Variants in SCYL2 observed in about 807,000 individuals in gnomAD.
SCYL2 encodes the protein SCY1 like pseudokinase 2.
A neutral mutation model predicts 100.4 loss-of-function variants in SCYL2; 36 were observed. That is an observed-to-expected ratio of 0.36 (90% confidence interval 0.27 to 0.47). SCYL2 has a LOEUF of 0.47. Among genes scored for constraint, SCYL2 ranks in the 20% least tolerant of loss-of-function variants. SCYL2 has a pLI of 1.00. For synonymous variants in SCYL2, 330 were observed against 359.2 expected (o/e 0.92, Z 0.92); for missense variants, 902 against 1,083.9 (o/e 0.83, Z 2.36).
In SCYL2 at chr12:100,312,476, G is replaced by A; in HGVS notation, c.675G>A (p.Leu225=). The change falls in exon 6 of 18, where the codon TTG becomes TTA. Residue 225 remains leucine (L), a synonymous_variant. Transcript: ENST00000360820. ...AATGGGACCCAAATTTACCTTCATT[G>A]TGTCTTCCAAATCCTGAATATTTGG... The part of the protein sequence containing the change: ...CKEWDPNLPS[L]CLPNPEYLAP... 1 of 1,613,342 alleles carries A rather than the reference G, an allele frequency of 6.2e-7. No homozygotes were observed. Among genetic ancestry groups the A allele is most frequent in the Non-Finnish European group, 8.5e-7 (1 of 1,179,896 alleles).
At chr12:100,296,794 A>G (rs1007210957) in intron 3 of SCYL2, 10 of 152,110 alleles carry the variant, frequency 6.6e-5, no homozygotes, top group East Asian at 3.9e-4. Flanking sequence ...TTATGGTCCA[A>G]TGTGTTAATG....
chr12:100,299,029 A>G (rs2096324331), intron 4 of SCYL2, among the ~76,000 whole-genome samples: 1 of 152,124 alleles, frequency 6.6e-6, no homozygotes, highest in Non-Finnish European at 1.5e-5. Context: ...CAGGAGTTTG[A>G]GACAACCCTG....
rs1048811138 is a variant in SCYL2, at chr12:100,303,492, T to C, written c.480+5317T>C. ...CTGTTGATTCTTTTCTGTTTGTTAA[T>C]TTTCCTTCTAACAGTCAGGCCCCTC... is the stretch of plus-strand genomic sequence containing the variant. On this transcript the variant is annotated intron_variant, in intron 4 of 17. Transcript: ENST00000360820. Among the ~76,000 whole-genome samples, 7 of 152,346 alleles carry C rather than the reference T, an allele frequency of 4.6e-5. 1 individual carries two copies. Among genetic ancestry groups the C allele is most frequent in the African/African-American group, 1.7e-4 (7 of 41,586 alleles).
At chr12:100,299,011 C>G (rs1333396508) in intron 4 of SCYL2, among the ~76,000 whole-genome samples, 2 of 152,178 alleles carry the variant, frequency 1.3e-5, no homozygotes, top group African/African-American at 2.4e-5. Flanking sequence ...GGGAGGATCA[C>G]TTGAGCTCAG....
chr12:100,294,411 G>C (rs1473300124), intron 3 of SCYL2, among the ~76,000 whole-genome samples: 4 of 121,396 alleles, frequency 3.3e-5, no homozygotes, highest in African/African-American at 6.2e-5. Flanking sequence ...TCCCGGACGG[G>C]GCGGCTGGCC....
intron 4 of SCYL2, among the ~76,000 whole-genome samples, chr12:100,307,649 C>G (rs1253967827): frequency 2.0e-5 from 3 of 152,102 alleles, no homozygotes; most frequent in Admixed American, 6.5e-5. Context: ...GAAGTGGGAT[C>G]TAATTAAACT....
intron 4 of SCYL2, 63 bp from the exon 5 acceptor site, chr12:100,310,981 A>G (rs990332101): frequency 1.5e-5 from 20 of 1,363,496 alleles, no homozygotes; most frequent in Non-Finnish European, 1.8e-5. Flanking sequence ...TATTTTTGTG[A>G]GACATTTTAT....
intron 4 of SCYL2, among the ~76,000 whole-genome samples, chr12:100,308,418 A>G (rs930904299): frequency 1.3e-5 from 2 of 152,274 alleles, no homozygotes; most frequent in African/African-American, 4.8e-5. Flanking sequence ...GTTCTCACTT[A>G]TAAGTGGGAG....
intron 8 of SCYL2, among the ~76,000 whole-genome samples, chr12:100,315,132 G>A (rs1464206593): frequency 6.6e-6 from 1 of 152,178 alleles, no homozygotes. Flanking sequence ...TAGATGCTAT[G>A]GAGAGTAAAG....
chr12:100,294,354 C>T (rs2096314789), intron 3 of SCYL2, among the ~76,000 whole-genome samples: 1 of 114,154 alleles, frequency 8.8e-6, no homozygotes, highest in East Asian at 2.8e-4. Flanking sequence ...CCCTCACCTC[C>T]CAGACGGGGC....
chr12:100,332,128 C>T lies in SCYL2; in HGVS notation c.1762-2038C>T, dbSNP rs529578834. On this transcript the variant is annotated intron_variant, in intron 13 of 17. Coordinates refer to ENST00000360820, the MANE Select transcript of SCYL2 (RefSeq NM_017988.6). ...GGCACAAGCTTCTAGAGTCTTTTCC[C>T]AGTGAAATCACGCAGGATTCCCCTT... Among the ~76,000 whole-genome samples the T allele has an allele frequency of 2.0e-5, 3 of 152,278 alleles. No individual in the cohort carries two copies. The South Asian group carries it at 6.2e-4, about 32-fold the overall frequency.
intron 2 of SCYL2, among the ~76,000 whole-genome samples, chr12:100,287,287 G>GTTGTTGTTT (rs1401608536): frequency 2.0e-5 from 3 of 152,118 alleles, no homozygotes; most frequent in African/African-American, 7.2e-5. Context: ...TGTTGTTGTT[G>GTTGTTGTTT]TTGTTGTTGT....
chr12:100,303,162 G>A (rs897032696), intron 4 of SCYL2, among the ~76,000 whole-genome samples: 1 of 151,952 alleles, frequency 6.6e-6, no homozygotes, highest in African/African-American at 2.4e-5. Context: ...CTTTTTCAAG[G>A]TTCCTAGCTT....
chr12:100,272,218 C>T (rs1445615015), intron 1 of SCYL2, among the ~76,000 whole-genome samples: 1 of 152,180 alleles, frequency 6.6e-6, no homozygotes, highest in Non-Finnish European at 1.5e-5. Flanking sequence ...AAATGCCTTA[C>T]ATGACTAAGA....
At chr12:100,308,871 A>G (rs945454090) in intron 4 of SCYL2, among the ~76,000 whole-genome samples, 2 of 152,140 alleles carry the variant, frequency 1.3e-5, no homozygotes, top group Non-Finnish European at 2.9e-5. Flanking sequence ...TTCTGCTGTT[A>G]CAGGGTAGCA....
chr12:100,309,450 C>G (rs1347117984), intron 4 of SCYL2, among the ~76,000 whole-genome samples: 1 of 152,148 alleles, frequency 6.6e-6, no homozygotes. Flanking sequence ...TTTGACTACT[C>G]TAGGTACTTC....
At chr12:100,289,193 G>A (rs1245944896) in intron 2 of SCYL2, among the ~76,000 whole-genome samples, 1 of 152,172 alleles carries the variant, frequency 6.6e-6, no homozygotes, top group East Asian at 1.9e-4. Context: ...CAGGAGTTAA[G>A]ATTAGGTGTT....
chr12:100,287,011 A>T (rs2096305122), intron 2 of SCYL2, among the ~76,000 whole-genome samples: 1 of 152,128 alleles, frequency 6.6e-6, no homozygotes, highest in South Asian at 2.1e-4. Context: ...ATTATCCCAA[A>T]ATCAGATGAA....
chr12:100,277,061 C>G (rs1566341553), intron 1 of SCYL2, among the ~76,000 whole-genome samples: 2 of 151,936 alleles, frequency 1.3e-5, no homozygotes, highest in African/African-American at 4.8e-5. Context: ...ATATTTTAAT[C>G]TATTATTGAT....
Sources: gnomAD v4.1 joint callset for allele counts (sites outside exome capture counted in the v4.1 genomes callset) on GRCh38, gnomAD v4.1.1 for gene constraint, MANE v1.5 for transcripts, NCBI Gene and HGNC (gene_info 2026-07-23, HGNC 2026-07-21) for gene names.